Variants in SHC2 observed in about 807,000 individuals in gnomAD.
The protein encoded by SHC2 is SHC adaptor protein 2.
SHC2 carries 62 observed loss-of-function variants against 60.6 expected under a neutral mutation model. The ratio of observed to expected loss-of-function variants is 1.02; its 90% CI spans 0.83 to 1.26. The LOEUF is 1.26. Ranked by LOEUF, SHC2 falls within the 50% of genes most tolerant of loss-of-function variation. SHC2 has a pLI of 0.00. For synonymous variants in SHC2, 375 were observed against 372.4 expected (o/e 1.01, Z -0.08); for missense variants, 873 against 822.2 (o/e 1.06, Z -0.76).
rs1422472101 is a variant in SHC2, at chr19:441,172, G to A, written c.469-240C>T. 85 of 984,776 alleles carry A rather than the reference G, an allele frequency of 8.6e-5. No homozygotes were observed. The highest frequency in any genetic ancestry group is 1.0e-4 in the Non-Finnish European group (84 of 829,728). The allele number at this position is 984,776 out of a possible 1,614,324, so 61.0% of individuals were successfully genotyped here. On this transcript the variant is annotated intron_variant, in intron 1 of 12. Coordinates refer to ENST00000264554, the MANE Select transcript of SHC2 (RefSeq NM_012435.3). The surrounding 1 kb of genome is among the most constrained non-coding windows in gnomAD (Gnocchi z 4.9). ...TGTGTTGCTGTTTCTCAGGAGCCTG[G>A]TGGTTCCCCCAGACGCTCTATGCTG...
chr19:426,847 TGCGAGGGGCAGA>T (rs1974428510), intron 9 of SHC2, among the ~76,000 whole-genome samples: 1 of 92,694 alleles, frequency 1.1e-5, no homozygotes, highest in African/African-American at 4.2e-5. Context: ...AGGACGACAG[TGCGAGGGGCAGA>T]GTCCGGGGAG....
intron 12 of SHC2, among the ~76,000 whole-genome samples, 188 bp from the exon 13 acceptor site, chr19:417,510 C>G (rs1466505317): frequency 6.6e-6 from 1 of 152,224 alleles, no homozygotes; most frequent in Non-Finnish European, 1.5e-5. Flanking sequence ...TTGCTGTGGA[C>G]CTAGGGCAGT....
In SHC2 at chr19:424,965, G is replaced by T; in HGVS notation, c.1309+132C>A. 3.9e-6 allele frequency: 4 copies of T among 1,020,096 alleles called. No individual in the cohort carries two copies. Among genetic ancestry groups the T allele is most frequent in the Middle Eastern group, 2.3e-4 (1 of 4,372 alleles). The allele number at this position is 1,020,096 out of a possible 1,614,324, so 63.2% of individuals were successfully genotyped here. On this transcript the variant is annotated intron_variant, in intron 10 of 12. Coordinates refer to ENST00000264554, the MANE Select transcript of SHC2 (RefSeq NM_012435.3). This position sits in a 1 kb window ranked among gnomAD's most constrained non-coding sequence, Gnocchi z 4.5. ...CCCCGTCCCACCCGTCGACTTGAAGGATCTCACGGGGAGAAGGGAGCCTCC... is the reference window on the plus strand; with the variant it reads ...CCCCGTCCCACCCGTCGACTTGAAGTATCTCACGGGGAGAAGGGAGCCTCC...
At chr19:421,458 G>A (rs7408304) in intron 11 of SHC2, among the ~76,000 whole-genome samples, 4 of 70,792 alleles carry the variant, frequency 5.7e-5, no homozygotes, top group African/African-American at 4.9e-5. Flanking sequence ...AAGGAGGGAG[G>A]GAGAGAGGGA....
intron 9 of SHC2, among the ~76,000 whole-genome samples, chr19:429,391 C>T (rs969605574): frequency 2.0e-5 from 3 of 148,056 alleles, no homozygotes; most frequent in African/African-American, 7.5e-5. Flanking sequence ...TGACGCAGTA[C>T]CTATATCCAA....
In SHC2 at chr19:420,507, C is replaced by A. The variant is rs190450163; in HGVS notation, c.1621-1451G>T. 6.6e-5 allele frequency among the ~76,000 whole-genome samples: 10 copies of A among 152,314 alleles called. No homozygotes were observed. In the East Asian group the frequency reaches 1.7e-3, roughly 26 times the overall value. ...TCGGACGCTCAAAACGCTTCATAAA[C>A]CCTAGAACTCCTTGTAAATTGGAAA... is the stretch of plus-strand genomic sequence containing the variant. On this transcript the variant is annotated intron_variant, in intron 11 of 12. Coordinates refer to ENST00000264554, the MANE Select transcript of SHC2 (RefSeq NM_012435.3).
Position 434,730 on chromosome 19 carries a change from G to A in SHC2, c.1089C>T (p.Cys363=), listed in dbSNP as rs771485259. The A allele has an allele frequency of 1.5e-5, 24 of 1,611,530 alleles. No homozygotes were observed. Among genetic ancestry groups the A allele is most frequent in the African/African-American group, 2.7e-5 (2 of 74,904 alleles). Reference sequence around the variant, plus strand: ...TGACCTGGTCGAGGGCCGTGAGGGCGCAGGGCTGTGTCAGGGCCAGCCTGG... The same window carrying A: ...TGACCTGGTCGAGGGCCGTGAGGGCACAGGGCTGTGTCAGGGCCAGCCTGG... The part of the protein sequence containing the change: ...VDSRLALTQP[C]ALTALDQGPS... The change falls in exon 8 of 13, where the codon TGC becomes TGT. Residue 363 remains cysteine, a synonymous_variant. Transcript: ENST00000264554.
At chr19:426,835 G>T (rs538005519) in intron 9 of SHC2, among the ~76,000 whole-genome samples, 1 of 147,148 alleles carries the variant, frequency 6.8e-6, no homozygotes, top group Admixed American at 6.7e-5. Context: ...GTCCGGGGAG[G>T]GAGGACGACA....
At chr19:454,968 G>A (rs944012623) in intron 1 of SHC2, among the ~76,000 whole-genome samples, 3 of 152,270 alleles carry the variant, frequency 2.0e-5, no homozygotes, top group Non-Finnish European at 2.9e-5. Flanking sequence ...CTCTCATCCT[G>A]TCCCGCGTCC....
At chr19:443,283 T>C (rs140444643) in intron 1 of SHC2, among the ~76,000 whole-genome samples, 2,145 of 146,242 alleles carry the variant, frequency 0.015, 20 homozygotes, top group Non-Finnish European at 0.019. Flanking sequence ...GGTGGATGAA[T>C]AGGTGCATGG....
chr19:443,289 C>G (rs1283420351), intron 1 of SHC2, among the ~76,000 whole-genome samples: 491 of 53,452 alleles, frequency 9.2e-3, no homozygotes, highest in Middle Eastern at 0.054. Context: ...TGAATAGGTG[C>G]ATGGATGGGT....
At chr19:431,986 T>C (rs1394302360) in intron 8 of SHC2, among the ~76,000 whole-genome samples, 7 of 9,772 alleles carry the variant, frequency 7.2e-4, no homozygotes, top group African/African-American at 3.2e-3. Flanking sequence ...GAGTGAGAGA[T>C]AGAGGAGGCG....
At chr19:427,026 G>A (rs1974433643) in intron 9 of SHC2, among the ~76,000 whole-genome samples, 2 of 152,176 alleles carry the variant, frequency 1.3e-5, no homozygotes, top group African/African-American at 4.8e-5. Context: ...AGGGAACGCT[G>A]GCGAGCCCCC....
intron 4 of SHC2, among the ~76,000 whole-genome samples, chr19:437,133 T>A (rs1272553474): frequency 6.6e-6 from 1 of 152,188 alleles, no homozygotes; most frequent in African/African-American, 2.4e-5. Flanking sequence ...TTTGCATGCT[T>A]ATCTGCATGC....
intron 1 of SHC2, among the ~76,000 whole-genome samples, chr19:455,128 C>T (rs952507995): frequency 3.9e-4 from 60 of 152,188 alleles, no homozygotes; most frequent in African/African-American, 1.2e-3. Context: ...GCATGAATTT[C>T]GGTGAAATAA....
In SHC2 at chr19:419,073, T is replaced by C. The variant is rs756136905; in HGVS notation, c.1621-17A>G. On this transcript the variant is annotated splice_polypyrimidine_tract_variant and intron_variant, in intron 11 of 12. Coordinates refer to ENST00000264554, the MANE Select transcript of SHC2 (RefSeq NM_012435.3). Reference sequence around the variant, plus strand: ...CGTCCGTACCTGCGGGACAGAGACCTCGGCATCAGCTCCCGGGAGCCCGCC... The same window carrying C: ...CGTCCGTACCTGCGGGACAGAGACCCCGGCATCAGCTCCCGGGAGCCCGCC... The C allele has an allele frequency of 5.0e-5, 78 of 1,563,268 alleles. No homozygotes were observed. The highest frequency in any genetic ancestry group is 6.8e-5 in the Non-Finnish European group (78 of 1,150,622).
Position 440,833 on chromosome 19 carries a change from A to G in SHC2, c.539+29T>C, listed in dbSNP as rs199940973. 517 of 1,594,342 alleles carry G rather than the reference A, an allele frequency of 3.2e-4. 1 individual carries two copies. The African/African-American group carries it at 5.1e-3, about 16-fold the overall frequency. On this transcript the variant is annotated intron_variant, in intron 2 of 12. Transcript: ENST00000264554. The surrounding 1 kb of genome is among the most constrained non-coding windows in gnomAD (Gnocchi z 7.0). ...GCCCTCCAGTGCGTCACTCAGCCCTACGCGGCCAGGGCAGGGTTGGAGGCT... is the reference window on the plus strand; with the variant it reads ...GCCCTCCAGTGCGTCACTCAGCCCTGCGCGGCCAGGGCAGGGTTGGAGGCT...
intron 11 of SHC2, among the ~76,000 whole-genome samples, chr19:420,974 C>T (rs1295583519): frequency 7.9e-5 from 12 of 151,842 alleles, no homozygotes; most frequent in Non-Finnish European, 1.6e-4. Context: ...CGCTTGAACC[C>T]GGGAAGTGGA....
rs921434331 is a variant in SHC2, at chr19:422,523, C to G, written c.1310-67G>C. On this transcript the variant is annotated intron_variant, in intron 10 of 12. Transcript: ENST00000264554. This position sits in a 1 kb window ranked among gnomAD's most constrained non-coding sequence, Gnocchi z 5.0. ...GCAGCTACTCCTGCCGGGACCAGAG[C>G]TGGGAGAAACGGGTTCCCCGGGGAG... The G allele has an allele frequency of 2.2e-6, 3 of 1,351,224 alleles. No homozygotes were observed. Among genetic ancestry groups the G allele is most frequent in the Admixed American group, 5.6e-5 (2 of 35,684 alleles). 83.7% of individuals were successfully genotyped at this position (1,351,224 alleles called of 1,614,324 possible).
Sources: gnomAD v4.1 joint callset for allele counts (sites outside exome capture counted in the v4.1 genomes callset) on GRCh38, gnomAD v4.1.1 for gene constraint, Gnocchi (gnomAD v3.1) non-coding constraint, MANE v1.5 for transcripts, NCBI Gene and HGNC (gene_info 2026-07-23, HGNC 2026-07-21) for gene names.